The following XRN2 variants were observed in gnomAD, a reference collection of about 807,000 sequenced individuals.
XRN2 encodes the protein DHM1-like protein.
A neutral mutation model predicts 138.5 loss-of-function variants in XRN2; 44 were observed. The ratio of observed to expected loss-of-function variants is 0.32; its 90% CI spans 0.25 to 0.41. The LOEUF is 0.41. XRN2 is among the 10% of genes least tolerant of loss of function. The pLI, the probability that XRN2 is intolerant of heterozygous loss-of-function variation, is 1.00. For synonymous variants in XRN2, 354 were observed against 369.4 expected (o/e 0.96, Z 0.48); for missense variants, 937 against 1,169.3 (o/e 0.80, Z 2.90).
chr20:21,381,805 T>C (rs988702520), intron 27 of XRN2, among the ~76,000 whole-genome samples, 189 bp from the exon 28 acceptor site: 6 of 152,078 alleles, frequency 3.9e-5, no homozygotes, highest in Non-Finnish European at 8.8e-5. Context: ...GGAAAAATAA[T>C]AAAAAATTTG....
chr20:21,386,201 C>T (rs1052315167), intron 28 of XRN2, among the ~76,000 whole-genome samples: 1 of 152,316 alleles, frequency 6.6e-6, no homozygotes. Flanking sequence ...TTATAATAGC[C>T]GTTGAATCTG....
At chr20:21,326,746 G>C (rs2038134342) in intron 3 of XRN2, 145 bp downstream of exon 3, 2 of 695,460 alleles carry the variant, frequency 2.9e-6, no homozygotes, top group East Asian at 5.4e-5. Context: ...CATTCATTCA[G>C]ATGTTTTTTT....
chr20:21,376,942 G>T (rs2038829208), intron 27 of XRN2, among the ~76,000 whole-genome samples: 1 of 152,120 alleles, frequency 6.6e-6, no homozygotes, highest in Non-Finnish European at 1.5e-5. Context: ...GAAATTTGGG[G>T]ATTGTCTGCA....
At chr20:21,382,139 C>T in intron 28 of XRN2, 82 bp downstream of exon 28, 1 of 1,226,646 alleles carries the variant, frequency 8.2e-7, no homozygotes, top group Non-Finnish European at 1.1e-6. Context: ...AAGCTAAAAC[C>T]TCTGTGGTTT....
intron 9 of XRN2, among the ~76,000 whole-genome samples, chr20:21,333,204 C>T (rs2038238930): frequency 1.3e-5 from 2 of 152,162 alleles, no homozygotes; most frequent in South Asian, 4.1e-4. Context: ...CTTCAATCCT[C>T]CAGGTTTGGC....
At chr20:21,381,545 A>G (rs1383681336) in intron 27 of XRN2, among the ~76,000 whole-genome samples, 1 of 152,230 alleles carries the variant, frequency 6.6e-6, no homozygotes, top group African/African-American at 2.4e-5. Context: ...TAATGAAAGC[A>G]ATTTATGCCT....
At chr20:21,315,664 T>C (rs2037949123) in intron 1 of XRN2, among the ~76,000 whole-genome samples, 1 of 152,076 alleles carries the variant, frequency 6.6e-6, no homozygotes, top group African/African-American at 2.4e-5. Flanking sequence ...GGCTAACTTT[T>C]TGTATTTTGG....
chr20:21,352,898 G>A (rs768981638), intron 20 of XRN2, among the ~76,000 whole-genome samples: 12 of 151,918 alleles, frequency 7.9e-5, no homozygotes, highest in Non-Finnish European at 1.8e-4. Flanking sequence ...GATAATGCAT[G>A]TAACATAAGA....
intron 14 of XRN2, among the ~76,000 whole-genome samples, chr20:21,339,827 C>T (rs2038348477): frequency 1.3e-5 from 2 of 151,918 alleles, no homozygotes; most frequent in Admixed American, 6.6e-5. Context: ...TTCTTTAGTT[C>T]TTGTTTTCTT....
At chr20:21,357,347 A>G (rs1450520238) in intron 23 of XRN2, among the ~76,000 whole-genome samples, 1 of 152,100 alleles carries the variant, frequency 6.6e-6, no homozygotes, top group Non-Finnish European at 1.5e-5. Context: ...TTTCTAGGTA[A>G]TATTTCTAGG....
At chr20:21,314,937 C>G (rs1229316237) in intron 1 of XRN2, among the ~76,000 whole-genome samples, 1 of 152,150 alleles carries the variant, frequency 6.6e-6, no homozygotes. Context: ...AATGGGTCCC[C>G]CATGGCTCAG....
intron 16 of XRN2, among the ~76,000 whole-genome samples, chr20:21,346,197 A>G (rs2038433462): frequency 1.3e-5 from 2 of 152,242 alleles, no homozygotes; most frequent in African/African-American, 4.8e-5. Flanking sequence ...TACCAGAATC[A>G]GTGATTGGGG....
rs1199479223 is a variant in XRN2 at position 21,344,099 on chromosome 20, A to G, written c.1420A>G (p.Ile474Val). The change falls in exon 16 of 30, where the codon ATA becomes GTA. Residue 474 changes from isoleucine (I) to valine (V), a missense_variant. Coordinates refer to ENST00000377191, the MANE Select transcript of XRN2 (RefSeq NM_012255.5). ...MRMQNNSSPS[I>V]SPNTSFTSDG... ...TCATCATTGTCTGCAGAGTCCTTCG[A>G]TATCTCCTAATACGAGTTTCACATC... 6.2e-6 allele frequency: 10 copies of G among 1,610,166 alleles called. No individual in the cohort carries two copies. The highest frequency in any genetic ancestry group is 1.3e-5 in the African/African-American group (1 of 74,838).
chr20:21,358,242 A>G (rs918449627), intron 24 of XRN2, among the ~76,000 whole-genome samples: 2 of 152,246 alleles, frequency 1.3e-5, no homozygotes, highest in African/African-American at 4.8e-5. Context: ...ATGACATAGA[A>G]CAGAATATAT....
intron 1 of XRN2, among the ~76,000 whole-genome samples, chr20:21,319,241 C>T (rs148784259): frequency 6.5e-4 from 99 of 152,164 alleles, no homozygotes; most frequent in African/African-American, 2.1e-3. Flanking sequence ...ATTATCTTTT[C>T]TCATCCATTT....
intron 1 of XRN2, among the ~76,000 whole-genome samples, chr20:21,322,343 A>G (rs1400361656): frequency 6.6e-6 from 1 of 152,238 alleles, no homozygotes; most frequent in Non-Finnish European, 1.5e-5. Context: ...TTTTTAAGCC[A>G]AAATACTGTA....
At chr20:21,329,143 C>G (rs1194611423) in intron 4 of XRN2, among the ~76,000 whole-genome samples, 2 of 152,116 alleles carry the variant, frequency 1.3e-5, no homozygotes, top group Non-Finnish European at 1.5e-5. Flanking sequence ...AGGCTGTTGC[C>G]AAGTCATTTG....
intron 3 of XRN2, 53 bp from the exon 4 acceptor site, chr20:21,328,506 A>G: frequency 2.0e-6 from 3 of 1,522,668 alleles, no homozygotes; most frequent in Non-Finnish European, 2.7e-6. Flanking sequence ...TAAGGTACAG[A>G]TTTATTTGTG....
chr20:21,359,351 A>C (rs1449283091), intron 24 of XRN2, among the ~76,000 whole-genome samples: 1 of 152,118 alleles, frequency 6.6e-6, no homozygotes, highest in Non-Finnish European at 1.5e-5. Context: ...CCTGGCCAAC[A>C]TGGTGAAACC....
Sources: gnomAD v4.1 joint callset for allele counts (sites outside exome capture counted in the v4.1 genomes callset) on GRCh38, gnomAD v4.1.1 for gene constraint, MANE v1.5 for transcripts, NCBI Gene and HGNC (gene_info 2026-07-23, HGNC 2026-07-21) for gene names.